AQR: variants seen among roughly 807,000 people sequenced by gnomAD.
The protein encoded by AQR is aquarius intron-binding spliceosomal factor, also known as RNA helicase aquarius.
Under a neutral mutation model 180.5 loss-of-function variants are expected in AQR, and 61 were observed. The observed-to-expected ratio is 0.34, with a 90% CI of 0.28 to 0.42. The LOEUF is 0.42. Among genes scored for constraint, AQR ranks in the 10% least tolerant of loss-of-function variants. AQR has a pLI of 1.00. For synonymous variants in AQR, 551 were observed against 588.8 expected (o/e 0.94, Z 0.93); for missense variants, 1,281 against 1,798.3 (o/e 0.71, Z 5.20).
At chr15:34,859,939 A>T in intron 34 of AQR, 103 bp downstream of exon 34, 1 of 479,414 alleles carries the variant, frequency 2.1e-6, no homozygotes, top group Non-Finnish European at 3.5e-6. Context: ...GCTTTAGTTT[A>T]GCTGATTTCC....
intron 12 of AQR, among the ~76,000 whole-genome samples, chr15:34,927,357 G>A (rs148558718): frequency 3.9e-5 from 6 of 152,240 alleles, no homozygotes; most frequent in East Asian, 1.9e-4. Flanking sequence ...TAAAGTTGGC[G>A]TTCAGCTTTT....
chr15:34,914,695 C>T (rs922384370), intron 16 of AQR, among the ~76,000 whole-genome samples: 4 of 152,260 alleles, frequency 2.6e-5, no homozygotes, highest in Middle Eastern at 3.4e-3. Flanking sequence ...TGACCTAGTA[C>T]GGGCCTGCTT....
chr15:34,952,196 CA>C (rs1261664983), intron 4 of AQR, among the ~76,000 whole-genome samples: 1 of 152,144 alleles, frequency 6.6e-6, no homozygotes, highest in Non-Finnish European at 1.5e-5. Context: ...GCTTTGGCAT[CA>C]GACATTGGTA....
intron 3 of AQR, among the ~76,000 whole-genome samples, chr15:34,953,869 TA>T (rs1894268434): frequency 6.6e-6 from 1 of 152,248 alleles, no homozygotes; most frequent in Non-Finnish European, 1.5e-5. Flanking sequence ...AGTGTTCTAG[TA>T]ATGACTCAGT....
chr15:34,942,119 C>T (rs1894031985), intron 6 of AQR, 39 bp from the exon 7 acceptor site: 2 of 1,513,490 alleles, frequency 1.3e-6, no homozygotes, highest in African/African-American at 1.4e-5. Context: ...ATAAACATAC[C>T]AGCATTTCTA....
intron 13 of AQR, among the ~76,000 whole-genome samples, chr15:34,926,803 C>T (rs1292339541): frequency 6.6e-6 from 1 of 152,082 alleles, no homozygotes; most frequent in East Asian, 1.9e-4. Flanking sequence ...AGAAAAATTT[C>T]AGATCGAAGA....
Position 34,873,919 on chromosome 15 carries a change from G to T in AQR, c.3506C>A (p.Ala1169Glu). 1 of 1,612,158 alleles carries T rather than the reference G, an allele frequency of 6.2e-7. No homozygotes were observed. Among genetic ancestry groups the T allele is most frequent in the Non-Finnish European group, 8.5e-7 (1 of 1,178,838 alleles). The change falls in exon 30 of 35, where the codon GCA becomes GAA. Residue 1169 changes from alanine to glutamate, a missense_variant. Around this residue, in one of 9 missense-constraint regions of AQR, gnomAD observed 197 missense variants for 320.7 expected, o/e 0.61. Coordinates refer to ENST00000156471, the MANE Select transcript of AQR (RefSeq NM_014691.3). Reference protein sequence around the residue: ...HVQLLPEFSTANAGLLYDFQL... With the variant: ...HVQLLPEFSTENAGLLYDFQL... ...GAAGTCATACAGTAAGCCAGCATTT[G>T]CTGTACTAAACTCTGGCAAGAGCTG...
chr15:34,908,806 T>C (rs888069957), intron 17 of AQR, among the ~76,000 whole-genome samples: 2 of 152,216 alleles, frequency 1.3e-5, no homozygotes, highest in Non-Finnish European at 2.9e-5. Flanking sequence ...TAGAGTCCTT[T>C]AAAATAAACA....
chr15:34,908,412 G>C (rs915130315), intron 17 of AQR, among the ~76,000 whole-genome samples: 1 of 151,970 alleles, frequency 6.6e-6, no homozygotes, highest in East Asian at 1.9e-4. Flanking sequence ...CTCCAGACTG[G>C]GCGACAGAGT....
At chr15:34,944,498 G>T in intron 5 of AQR, 70 bp from the exon 6 acceptor site, 2 of 1,461,886 alleles carry the variant, frequency 1.4e-6, no homozygotes, top group South Asian at 1.4e-5. Flanking sequence ...AGCCCTAGTA[G>T]GCTTTTTAGC....
At chr15:34,879,743 A>G (rs1892942448) in intron 27 of AQR, among the ~76,000 whole-genome samples, 1 of 152,176 alleles carries the variant, frequency 6.6e-6, no homozygotes, top group Admixed American at 6.5e-5. Context: ...GAACCAAACG[A>G]AATGTCCCTT....
At chr15:34,894,915 A>G (rs963952275) in intron 22 of AQR, among the ~76,000 whole-genome samples, 6 of 151,708 alleles carry the variant, frequency 4.0e-5, no homozygotes, top group Non-Finnish European at 8.8e-5. Flanking sequence ...CTGTAATCTC[A>G]GCACTTTGGG....
chr15:34,948,513 G>A (rs1395041356), intron 4 of AQR, 129 bp from the exon 5 acceptor site: 1 of 1,247,718 alleles, frequency 8.0e-7, no homozygotes, highest in Non-Finnish European at 1.1e-6. Flanking sequence ...TTTATAACTT[G>A]GAATCCTTGG....
At chr15:34,857,830 G>A (rs917381943) in intron 34 of AQR, among the ~76,000 whole-genome samples, 2 of 152,152 alleles carry the variant, frequency 1.3e-5, no homozygotes, top group Admixed American at 1.3e-4. Context: ...CATGGGAGAA[G>A]GGAGCAGCAA....
At chr15:34,955,736 C>T (rs775315371) in intron 3 of AQR, among the ~76,000 whole-genome samples, 8 of 151,864 alleles carry the variant, frequency 5.3e-5, no homozygotes, top group Non-Finnish European at 8.8e-5. Flanking sequence ...GGCGAAACCC[C>T]GTCTCTACTA....
chr15:34,863,968 G>T (rs1418237602), intron 32 of AQR, among the ~76,000 whole-genome samples: 1 of 152,076 alleles, frequency 6.6e-6, no homozygotes, highest in Non-Finnish European at 1.5e-5. Flanking sequence ...CTTTCATGAA[G>T]AATAATAAAG....
rs769600581 is a variant in AQR, at chr15:34,948,271, G to C, written c.323C>G (p.Ala108Gly). 6.2e-7 allele frequency: 1 copy of C among 1,613,528 alleles called. No homozygotes were observed. Among genetic ancestry groups the C allele is most frequent in the Admixed American group, 1.7e-5 (1 of 59,972 alleles). Residue 108 changes from alanine (A) to glycine (G), a missense_variant, in exon 5 of 35, where the codon GCA becomes GGA. Ala to Gly is a moderately conservative substitution (Grantham distance 60). Transcript: ENST00000156471. ...VNEKFRENVPAWEIFKKKPDH... is the reference protein window; with the variant it reads ...VNEKFRENVPGWEIFKKKPDH... ...GTACTTTAAATCAGTTACCTCCCAT[G>C]CAGGCACGTTTTCTCTAAACTTCTC...
At chr15:34,889,653 A>G (rs1051213626) in intron 24 of AQR, among the ~76,000 whole-genome samples, 6 of 152,158 alleles carry the variant, frequency 3.9e-5, no homozygotes, top group African/African-American at 1.4e-4. Flanking sequence ...CAAAGCTTAT[A>G]TTATCATTAA....
chr15:34,876,155 T>C (rs1892886610), intron 27 of AQR, 149 bp from the exon 28 acceptor site: 2 of 594,318 alleles, frequency 3.4e-6, no homozygotes, highest in Non-Finnish European at 5.9e-6. Context: ...ATACACATTA[T>C]TCAAACAGAA....
Sources: gnomAD v4.1 joint callset for allele counts (sites outside exome capture counted in the v4.1 genomes callset) on GRCh38, gnomAD v4.1.1 for gene constraint, gnomAD v4.1.1 regional missense constraint, MANE v1.5 for transcripts, NCBI Gene and HGNC (gene_info 2026-07-23, HGNC 2026-07-21) for gene names.